NOSTRIN: variants seen among roughly 807,000 people sequenced by gnomAD.
NOSTRIN encodes the protein BM247 homolog.
A neutral mutation model predicts 59.0 loss-of-function variants in NOSTRIN; 63 were observed. The observed-to-expected ratio is 1.07, with a 90% CI of 0.87 to 1.32. NOSTRIN has a LOEUF of 1.32. NOSTRIN is among the 40% of genes most tolerant of loss of function. The probability of loss-of-function intolerance (pLI) is 0.00; values close to 1 mark genes in which losing one functional copy is unlikely to be tolerated. For synonymous variants in NOSTRIN, 200 were observed against 165.4 expected (o/e 1.21, Z -1.61); for missense variants, 512 against 473.1 (o/e 1.08, Z -0.76).
chr2:168,789,844 T>G (rs1685302967), intron 2 of NOSTRIN, among the ~76,000 whole-genome samples: 1 of 152,170 alleles, frequency 6.6e-6, no homozygotes, highest in Non-Finnish European at 1.5e-5. Flanking sequence ...TTCTGAACCA[T>G]TCTGCCAGCT....
At chr2:168,852,972 A>C (rs573981293) in intron 10 of NOSTRIN, among the ~76,000 whole-genome samples, 1 of 152,256 alleles carries the variant, frequency 6.6e-6, no homozygotes, top group East Asian at 1.9e-4. Flanking sequence ...AAATAAATCT[A>C]TTTTCTTACA....
At chr2:168,833,599 C>T (rs983282481) in intron 6 of NOSTRIN, among the ~76,000 whole-genome samples, 1 of 152,182 alleles carries the variant, frequency 6.6e-6, no homozygotes, top group Admixed American at 6.5e-5. Flanking sequence ...AGGAAATTAT[C>T]CCCTAAATCC....
chr2:168,803,927 C>A (rs1387861121), intron 1 of NOSTRIN, among the ~76,000 whole-genome samples: 1 of 152,212 alleles, frequency 6.6e-6, no homozygotes, highest in African/African-American at 2.4e-5. Flanking sequence ...TGTCTCAACA[C>A]TCCTACCTCA....
chr2:168,833,435 ATC>A (rs1261305843), intron 6 of NOSTRIN, among the ~76,000 whole-genome samples: 5 of 152,246 alleles, frequency 3.3e-5, no homozygotes, highest in African/African-American at 1.2e-4. Flanking sequence ...CTCCTTTACT[ATC>A]TGGTTTGACA....
intron 1 of NOSTRIN, among the ~76,000 whole-genome samples, chr2:168,808,835 A>C (rs983702984): frequency 1.3e-5 from 2 of 152,230 alleles, no homozygotes; most frequent in Admixed American, 1.3e-4. Context: ...GGGATTTAAA[A>C]AGAAATGTAA....
intron 7 of NOSTRIN, among the ~76,000 whole-genome samples, chr2:168,842,513 G>A (rs185763332): frequency 6.6e-6 from 1 of 152,250 alleles, no homozygotes; most frequent in African/African-American, 2.4e-5. Context: ...AAATAATATC[G>A]CTAGATAGGA....
At position 168,791,270 on chromosome 2, in the gene NOSTRIN, G is replaced by A. The variant is rs1488850981; in HGVS notation, c.-473+3222G>A. On this transcript the variant is annotated intron_variant, in intron 2 of 20. Transcript: ENST00000458381. ...TGGTTTTTTGTCCTTGCAATAGTTT[G>A]CTGAGAATGATGGTTTCCAGTTTCA... is the stretch of plus-strand genomic sequence containing the variant. 2.0e-5 allele frequency among the ~76,000 whole-genome samples: 3 copies of A among 152,154 alleles called. No homozygotes were observed. In the South Asian group the frequency reaches 6.2e-4, roughly 32 times the overall value.
upstream of NOSTRIN, among the ~76,000 whole-genome samples, chr2:168,796,371 C>G (rs1046428477): frequency 6.6e-6 from 1 of 152,220 alleles, no homozygotes; most frequent in African/African-American, 2.4e-5. Context: ...TAGCTGCTCC[C>G]ACCTGACCCC....
chr2:168,828,009 A>G, intron 3 of NOSTRIN, 149 bp from the exon 4 acceptor site: 1 of 658,202 alleles, frequency 1.5e-6, no homozygotes, highest in Non-Finnish European at 2.8e-6. Flanking sequence ...GCAGAATGTA[A>G]TCTCATAGAG....
At position 168,860,829 on chromosome 2, in the gene NOSTRIN, CT is replaced by C. The variant is rs1258179126; in HGVS notation, c.1220del (p.Leu407Ter). The C allele has an allele frequency of 6.2e-7, 1 of 1,613,630 alleles. No homozygotes were observed. The highest frequency in any genetic ancestry group is 8.5e-7 in the Non-Finnish European group (1 of 1,179,702). ...HTHSYVKISR[P>X]FLMKRLENIV... is the part of the protein sequence containing the mutation. The stretch of plus-strand genomic sequence containing the variant: ...CATAGCTATGTGAAAATATCTCGGC[CT>C]TTTTTAATGAAGAGATTAGAGAATA... On this transcript the variant is annotated frameshift_variant, in exon 14 of 16. Coordinates refer to ENST00000317647, the MANE Select transcript of NOSTRIN (RefSeq NM_001039724.4). LOFTEE classifies it high-confidence loss of function.
chr2:168,789,978 G>T, intron 2 of NOSTRIN, among the ~76,000 whole-genome samples: 1 of 152,186 alleles, frequency 6.6e-6, no homozygotes, highest in East Asian at 1.9e-4. Flanking sequence ...TAATGCCGCT[G>T]GTTTTTAGTC....
chr2:168,822,848 T>C (rs974671635), intron 2 of NOSTRIN, among the ~76,000 whole-genome samples: 1 of 152,222 alleles, frequency 6.6e-6, no homozygotes, highest in Non-Finnish European at 1.5e-5. Flanking sequence ...TTTCTAAATC[T>C]GGTGTTGGCT....
At chr2:168,835,378 C>T (rs891632897) in intron 7 of NOSTRIN, among the ~76,000 whole-genome samples, 21 of 152,176 alleles carry the variant, frequency 1.4e-4, no homozygotes, top group Non-Finnish European at 1.5e-5. Context: ...CGCCCCTGGC[C>T]AGCCTTCTCG....
intron 12 of NOSTRIN, among the ~76,000 whole-genome samples, chr2:168,858,133 C>T (rs1199922136): frequency 1.3e-5 from 2 of 152,188 alleles, no homozygotes; most frequent in Admixed American, 1.3e-4. Context: ...CTTTGGCTGT[C>T]CTTGCACAGA....
intron 3 of NOSTRIN, among the ~76,000 whole-genome samples, chr2:168,824,983 T>C (rs1686978736): frequency 6.6e-6 from 1 of 152,104 alleles, no homozygotes; most frequent in Non-Finnish European, 1.5e-5. Context: ...GGTCTTGAAC[T>C]CCTGGGCTCA....
chr2:168,862,510 A>G (rs1403617008), intron 15 of NOSTRIN, among the ~76,000 whole-genome samples: 1 of 150,704 alleles, frequency 6.6e-6, no homozygotes, highest in African/African-American at 2.4e-5. Context: ...CTAGACATTC[A>G]GGAATGTGAA....
At chr2:168,847,130 G>A (rs988720104) in intron 8 of NOSTRIN, among the ~76,000 whole-genome samples, 1 of 152,172 alleles carries the variant, frequency 6.6e-6, no homozygotes, top group Non-Finnish European at 1.5e-5. Flanking sequence ...GGTATTTTCA[G>A]AGACTAATGG....
At chr2:168,854,299 C>T (rs929093098) in intron 10 of NOSTRIN, among the ~76,000 whole-genome samples, 3 of 152,214 alleles carry the variant, frequency 2.0e-5, no homozygotes, top group African/African-American at 7.2e-5. Context: ...GAAGCTCCAT[C>T]TAAAGGTAAT....
At chr2:168,812,426 T>C (rs1044000720) in intron 2 of NOSTRIN, among the ~76,000 whole-genome samples, 3 of 152,274 alleles carry the variant, frequency 2.0e-5, no homozygotes, top group Non-Finnish European at 4.4e-5. Context: ...GGAGAAAACA[T>C]AATTTCTTTT....
Sources: allele counts gnomAD v4.1 joint callset (sites outside exome capture counted in the v4.1 genomes callset), GRCh38; gene constraint gnomAD v4.1.1; transcripts MANE v1.5; gene names NCBI Gene and HGNC (gene_info 2026-07-23, HGNC 2026-07-21).